The following L3HYPDH variants were observed in gnomAD, a reference collection of about 807,000 sequenced individuals.
The protein encoded by L3HYPDH is trans-3-hydroxy-L-proline dehydratase.
L3HYPDH carries 32 observed loss-of-function variants against 26.5 expected under a neutral mutation model. The ratio of observed to expected loss-of-function variants is 1.21; its 90% CI spans 0.91 to 1.62. L3HYPDH has a LOEUF of 1.62. Among genes scored for constraint, L3HYPDH ranks in the 40% most tolerant of loss-of-function variants. The probability of loss-of-function intolerance (pLI) is 0.00; values close to 1 mark genes in which losing one functional copy is unlikely to be tolerated. For missense variants in L3HYPDH, 554 were observed against 476.4 expected (o/e 1.16, Z -1.52); for synonymous variants, 215 against 196.6 (o/e 1.09, Z -0.78).
Position 59,472,714 on chromosome 14 carries a change from C to T in L3HYPDH, c.*251G>A. On this transcript the variant is annotated 3_prime_UTR_variant, in exon 5 of 5. Coordinates refer to ENST00000247194, the MANE Select transcript of L3HYPDH (RefSeq NM_144581.2). Reference sequence around the variant, plus strand: ...AAAGTAACTACTGTTTTAATTTTACCTGATACGTTAATCACTAGAAAAAGA... The same window carrying T: ...AAAGTAACTACTGTTTTAATTTTACTTGATACGTTAATCACTAGAAAAAGA... 3.1e-6 allele frequency: 1 copy of T among 320,256 alleles called. No individual in the cohort carries two copies. The allele number at this position is 320,256 out of a possible 1,614,324, so 19.8% of individuals were successfully genotyped here.
upstream of L3HYPDH, chr14:59,484,521 C>A (rs1566569777): frequency 1.9e-6 from 3 of 1,547,566 alleles, no homozygotes; most frequent in Non-Finnish European, 8.8e-7. Context: ...CTCGCTGTGG[C>A]CCGGATGTTC....
chr14:59,475,243 C>T (rs1040325116), intron 4 of L3HYPDH: 1 of 151,948 alleles, frequency 6.6e-6, no homozygotes, highest in Non-Finnish European at 1.5e-5. Context: ...GGTTCTCAAA[C>T]CTTTTGGTCT....
the L3HYPDH span, chr14:59,504,012 G>C: frequency 6.2e-7 from 1 of 1,613,672 alleles, no homozygotes; most frequent in Non-Finnish European, 8.5e-7. Context: ...TTTTTTACTT[G>C]TTCACTGCAA....
chr14:59,484,902 T>C, upstream of L3HYPDH: 2 of 1,414,168 alleles, frequency 1.4e-6, no homozygotes, highest in Non-Finnish European at 1.9e-6. Context: ...GACTTCGGAA[T>C]TGAAAACGCG....
the L3HYPDH span, among the ~76,000 whole-genome samples, chr14:59,503,618 G>A: frequency 7.8e-4 from 119 of 152,220 alleles, no homozygotes; most frequent in South Asian, 5.8e-3. Context: ...ACATGATGAC[G>A]TAGCTTTCGT....
downstream of L3HYPDH, among the ~76,000 whole-genome samples, chr14:59,470,955 C>CGGGGGGGGG (rs57974393): frequency 1.8e-5 from 1 of 56,162 alleles, no homozygotes; most frequent in African/African-American, 7.5e-5. Context: ...TGGCTGGGGG[C>CGGGGGGGGG]GGGGGGGGGG....
Position 59,474,716 on chromosome 14 carries a change from C to T in L3HYPDH, c.939+1153G>A, listed in dbSNP as rs187713475. On this transcript the variant is annotated intron_variant, in intron 4 of 4. Coordinates refer to ENST00000247194, the MANE Select transcript of L3HYPDH (RefSeq NM_144581.2). ...ATCTATTGAAAAACGATAATAACAG[C>T]ACAGTACTGACCTTGTAGGATTCTT... 421 of 534,302 alleles carry T rather than the reference C, an allele frequency of 7.9e-4. 1 individual carries two copies. Among genetic ancestry groups the T allele is most frequent in the Admixed American group, 2.1e-3 (59 of 27,868 alleles). The allele number at this position is 534,302 out of a possible 1,614,324, so 33.1% of individuals were successfully genotyped here.
At chr14:59,505,187 A>G in the L3HYPDH span, 1 of 963,544 alleles carries the variant, frequency 1.0e-6, no homozygotes, top group East Asian at 2.7e-5. Flanking sequence ...AAGTGCACTC[A>G]CTTTTCCTGT....
At chr14:59,501,322 A>G in the L3HYPDH span, 17 of 1,091,222 alleles carry the variant, frequency 1.6e-5, no homozygotes, top group Middle Eastern at 4.2e-4. Context: ...TGACAATTCA[A>G]TATCAGAATA....
chr14:59,466,092 A>C (rs766713513), intron 1 of L3HYPDH, among the ~76,000 whole-genome samples: 10 of 152,190 alleles, frequency 6.6e-5, no homozygotes, highest in Non-Finnish European at 1.3e-4. Flanking sequence ...TGCTCTGAGG[A>C]GCTAGGATAG....
chr14:59,487,263 C>T (rs1253110), upstream of L3HYPDH: 81,285 of 154,130 alleles, frequency 0.53, 23,530 homozygotes, highest in African/African-American at 0.77. Context: ...AGTCATTGTT[C>T]ATGTTGGCAT....
At chr14:59,470,305 C>T (rs1474677608), downstream of L3HYPDH, among the ~76,000 whole-genome samples, 1 of 152,136 alleles carries the variant, frequency 6.6e-6, no homozygotes, top group Non-Finnish European at 1.5e-5. Context: ...TTAGAAATGC[C>T]CCACCCCGTG....
At chr14:59,474,616 C>T in intron 4 of L3HYPDH, 2 of 630,764 alleles carry the variant, frequency 3.2e-6, no homozygotes, top group Admixed American at 2.6e-5. Flanking sequence ...AGAGACCCAC[C>T]TTCATGACCT....
At chr14:59,497,089 G>A in the L3HYPDH span, among the ~76,000 whole-genome samples, 3 of 150,132 alleles carry the variant, frequency 2.0e-5, no homozygotes, top group Non-Finnish European at 3.0e-5. Context: ...AATGAAGGCT[G>A]TTTTTCCCAA....
At chr14:59,467,784 C>T (rs566208538), downstream of L3HYPDH, among the ~76,000 whole-genome samples, 4 of 152,192 alleles carry the variant, frequency 2.6e-5, no homozygotes, top group Non-Finnish European at 5.9e-5. Flanking sequence ...GTCTTCAATA[C>T]TCTGTATCTC....
At chr14:59,499,301 G>A in the L3HYPDH span, among the ~76,000 whole-genome samples, 1 of 151,604 alleles carries the variant, frequency 6.6e-6, no homozygotes, top group Middle Eastern at 3.4e-3. Context: ...AGTTCATGAC[G>A]AAATTAAAAT....
upstream of L3HYPDH, chr14:59,485,233 T>A: frequency 1.8e-6 from 2 of 1,099,432 alleles, no homozygotes; most frequent in Non-Finnish European, 2.6e-6. Flanking sequence ...CTACTAGATG[T>A]AAAGCCCATA....
At chr14:59,500,931 G>A in the L3HYPDH span, 6 of 359,800 alleles carry the variant, frequency 1.7e-5, no homozygotes, top group African/African-American at 4.3e-5. Flanking sequence ...ATTCATGTAT[G>A]TATTCTCTAT....
At chr14:59,469,369 A>C (rs569886954), downstream of L3HYPDH, among the ~76,000 whole-genome samples, 1 of 152,188 alleles carries the variant, frequency 6.6e-6, no homozygotes, top group East Asian at 1.9e-4. Context: ...CCTGGCCAAC[A>C]GGGTGAAATC....
Sources: gnomAD v4.1 joint callset for allele counts (sites outside exome capture counted in the v4.1 genomes callset) on GRCh38, gnomAD v4.1.1 for gene constraint, MANE v1.5 for transcripts, NCBI Gene and HGNC (gene_info 2026-07-23, HGNC 2026-07-21) for gene names.